The following PRORP variants were observed in gnomAD, a reference collection of about 807,000 sequenced individuals.
PRORP encodes the protein mitochondrial ribonuclease P catalytic subunit.
PRORP carries 51 observed loss-of-function variants against 59.4 expected under a neutral mutation model. That is an observed-to-expected ratio of 0.86 (90% CI 0.69 to 1.08). PRORP has a LOEUF of 1.08. Among genes scored for constraint, PRORP ranks in the 50% least tolerant of loss-of-function variants. The probability of loss-of-function intolerance (pLI) is 0.00; values close to 1 mark genes in which losing one functional copy is unlikely to be tolerated. For missense variants in PRORP, 646 were observed against 690.3 expected (o/e 0.94, Z 0.72); for synonymous variants, 231 against 245.6 (o/e 0.94, Z 0.55).
chr14:35,252,877 C>G (rs1308311817), intron 5 of PRORP, among the ~76,000 whole-genome samples: 3 of 152,268 alleles, frequency 2.0e-5, no homozygotes, highest in East Asian at 1.9e-4. Flanking sequence ...ATCTCAGTGG[C>G]AAGAGGTGTT....
intron 4 of PRORP, among the ~76,000 whole-genome samples, chr14:35,178,742 C>T (rs1337810383): frequency 1.8e-5 from 2 of 109,640 alleles, no homozygotes; most frequent in Non-Finnish European, 2.0e-5. Context: ...AGCCCATTTA[C>T]ATTTAAGGTT....
intron 5 of PRORP, among the ~76,000 whole-genome samples, chr14:35,197,416 A>G (rs2049036160): frequency 6.6e-6 from 1 of 152,236 alleles, no homozygotes; most frequent in African/African-American, 2.4e-5. Context: ...TTATAAAGCT[A>G]TATAAATTAT....
intron 5 of PRORP, among the ~76,000 whole-genome samples, chr14:35,218,199 C>CATGTA (rs1256950491): frequency 6.6e-6 from 1 of 152,030 alleles, no homozygotes; most frequent in East Asian, 1.9e-4. Flanking sequence ...GTGGCTCATG[C>CATGTA]ATGTAATCTC....
At chr14:35,269,373 T>C (rs1256233248) in intron 6 of PRORP, among the ~76,000 whole-genome samples, 1 of 152,146 alleles carries the variant, frequency 6.6e-6, no homozygotes, top group East Asian at 1.9e-4. Flanking sequence ...CACTGCTTGG[T>C]TTGGGGTCTG....
chr14:35,188,279 C>T (rs192178680), intron 5 of PRORP, among the ~76,000 whole-genome samples: 45 of 150,942 alleles, frequency 3.0e-4, no homozygotes, highest in African/African-American at 1.0e-3. Context: ...CAACCTCCAC[C>T]TCCCGGGTTC....
Position 35,261,328 on chromosome 14 carries a change from G to A in PRORP, c.1276-5399G>A, listed in dbSNP as rs944643619. ...TATATAATGTCCAAGGTTTTTAGTT[G>A]CACTTAGTGGGAGACATAGGGAGAA... On this transcript the variant is annotated intron_variant, in intron 5 of 7. Transcript: ENST00000534898. 4.6e-5 allele frequency among the ~76,000 whole-genome samples: 7 copies of A among 152,228 alleles called. No individual in the cohort carries two copies. In the South Asian group the frequency reaches 1.5e-3, roughly 32 times the overall value.
At chr14:35,260,146 G>A (rs2050868380) in intron 5 of PRORP, among the ~76,000 whole-genome samples, 1 of 151,380 alleles carries the variant, frequency 6.6e-6, no homozygotes, top group Non-Finnish European at 1.5e-5. Flanking sequence ...AGAGTAGCTG[G>A]GACCACAGGC....
chr14:35,189,519 A>G (rs1222363521), intron 5 of PRORP, among the ~76,000 whole-genome samples: 1 of 151,932 alleles, frequency 6.6e-6, no homozygotes, highest in South Asian at 2.1e-4. Flanking sequence ...GAACAGTTAC[A>G]GAAACTTGGC....
At chr14:35,178,565 C>G (rs1413502159) in intron 4 of PRORP, among the ~76,000 whole-genome samples, 2 of 152,034 alleles carry the variant, frequency 1.3e-5, no homozygotes, top group African/African-American at 2.4e-5. Context: ...GGATTGCAAC[C>G]TCTGCCTTTT....
At position 35,123,603 on chromosome 14, in the gene PRORP, A is replaced by G; in HGVS notation, c.358A>G (p.Asn120Asp). The change falls in exon 2 of 8, where the codon AAT becomes GAT. Residue 120 changes from asparagine to aspartate, a missense_variant. Asn to Asp is a conservative substitution (Grantham distance 23). Transcript: ENST00000534898. ...TATTCAACTCCCAACACAACCTTTG[A>G]ATTCAGAGGAGTGGGATAAACTTAA... ...NTIQLPTQPL[N>D]SEEWDKLKED... 2 of 1,614,186 alleles carry G rather than the reference A, an allele frequency of 1.2e-6. No homozygotes were observed. Among genetic ancestry groups the G allele is most frequent in the Middle Eastern group, 3.3e-4 (2 of 6,062 alleles).
chr14:35,192,687 A>G (rs932818085), intron 5 of PRORP, among the ~76,000 whole-genome samples: 1 of 152,110 alleles, frequency 6.6e-6, no homozygotes, highest in Admixed American at 6.6e-5. Flanking sequence ...ATAACTTTCC[A>G]TTAAGAAAAC....
At chr14:35,182,962 C>T (rs1411125763) in intron 5 of PRORP, among the ~76,000 whole-genome samples, 3 of 152,078 alleles carry the variant, frequency 2.0e-5, no homozygotes, top group Admixed American at 6.6e-5. Flanking sequence ...AAAATCTAAA[C>T]AACCTAAATA....
At chr14:35,156,626 GT>G (rs1166417568) in intron 4 of PRORP, among the ~76,000 whole-genome samples, 3 of 152,178 alleles carry the variant, frequency 2.0e-5, no homozygotes, top group African/African-American at 7.2e-5. Context: ...AATGGCAAAA[GT>G]GCATTCTGTC....
At chr14:35,253,355 G>GAGAA (rs1262690176) in intron 5 of PRORP, among the ~76,000 whole-genome samples, 1,513 of 112,984 alleles carry the variant, frequency 0.013, 28 homozygotes, top group African/African-American at 0.039. Context: ...GAGAGAGAGA[G>GAGAA]AGAAAGAAAG....
intron 5 of PRORP, chr14:35,263,030 T>C: frequency 6.3e-7 from 1 of 1,579,950 alleles, no homozygotes; most frequent in Non-Finnish European, 8.6e-7. Context: ...AGCCGGCTGA[T>C]GAATAAGATC....
chr14:35,209,631 G>T (rs1231546698), intron 5 of PRORP, among the ~76,000 whole-genome samples: 1 of 151,940 alleles, frequency 6.6e-6, no homozygotes, highest in Non-Finnish European at 1.5e-5. Flanking sequence ...CTGCCTCCCA[G>T]GTTCAAGCGA....
chr14:35,260,178 A>C (rs2050868980), intron 5 of PRORP, among the ~76,000 whole-genome samples: 1 of 151,526 alleles, frequency 6.6e-6, no homozygotes, highest in African/African-American at 2.4e-5. Flanking sequence ...TCCCCAACTA[A>C]TGTTTTTTAT....
intron 5 of PRORP, among the ~76,000 whole-genome samples, chr14:35,240,969 CAT>C (rs2050350763): frequency 1.3e-5 from 2 of 152,180 alleles, no homozygotes; most frequent in Non-Finnish European, 2.9e-5. Context: ...CTGTACTAAA[CAT>C]GTACAGACTT....
chr14:35,211,101 A>G (rs1186432470), intron 5 of PRORP, among the ~76,000 whole-genome samples: 1 of 152,136 alleles, frequency 6.6e-6, no homozygotes, highest in African/African-American at 2.4e-5. Flanking sequence ...AAAGCAAATT[A>G]CTACAGGCCT....
Sources: allele counts gnomAD v4.1 joint callset (sites outside exome capture counted in the v4.1 genomes callset), GRCh38; gene constraint gnomAD v4.1.1; transcripts MANE v1.5; gene names NCBI Gene and HGNC (gene_info 2026-07-23, HGNC 2026-07-21).